Variants in LINC00632 observed in about 807,000 individuals in gnomAD.
LINC00632 encodes ALDOA related specific transcript.
intron 3 of LINC00632, among the ~76,000 whole-genome samples, chrX:140,754,846 T>A (rs960100733): frequency 2.9e-4 from 32 of 110,558 alleles, no homozygotes; most frequent in Non-Finnish European, 5.7e-4. Flanking sequence ...AGGCTGTTTT[T>A]TTTTTAGCCT....
exon 5 of LINC00632, among the ~76,000 whole-genome samples, chrX:140,787,544 A>G (rs1365885608): frequency 9.0e-6 from 1 of 111,371 alleles, no homozygotes; most frequent in Non-Finnish European, 1.9e-5. Context: ...TTGTGTGCAG[A>G]TGTGTTTGGG....
At chrX:140,734,844 C>T (rs1283146302) in intron 3 of LINC00632, among the ~76,000 whole-genome samples, 1 of 106,192 alleles carries the variant, frequency 9.4e-6, no homozygotes, top group Non-Finnish European at 1.9e-5. Context: ...TCACTGTAAC[C>T]GCCACCTTCC....
chrX:140,713,798 T>C (rs1193341956), intron 2 of LINC00632: 5 of 331,641 alleles, frequency 1.5e-5, no homozygotes, highest in Non-Finnish European at 3.0e-5. Context: ...GAGACTCACC[T>C]GAGGCACACT....
chrX:140,717,995 G>C (rs749687830), intron 2 of LINC00632, among the ~76,000 whole-genome samples: 12 of 110,089 alleles, frequency 1.1e-4, no homozygotes, highest in Non-Finnish European at 1.5e-4. Context: ...AATTAGCCGG[G>C]TGTGGTGGCA....
At chrX:140,781,731 G>A (rs993508102) in exon 5 of LINC00632, among the ~76,000 whole-genome samples, 3 of 111,578 alleles carry the variant, frequency 2.7e-5, no homozygotes, top group African/African-American at 9.8e-5. Context: ...GCAGGGCATA[G>A]CAAACTAAGG....
chrX:140,757,826 C>G (rs760490954), intron 3 of LINC00632, among the ~76,000 whole-genome samples: 63 of 111,670 alleles, frequency 5.6e-4, no homozygotes, highest in African/African-American at 2.0e-3. Flanking sequence ...CTCGGCCTCC[C>G]AAAGTGCTGG....
At chrX:140,778,737 C>T (rs1473917910) in exon 5 of LINC00632, among the ~76,000 whole-genome samples, 1 of 111,066 alleles carries the variant, frequency 9.0e-6, no homozygotes, top group Non-Finnish European at 1.9e-5. Context: ...AATTGAATTG[C>T]ATCAACTAGG....
chrX:140,730,277 A>C, intron 2 of LINC00632, among the ~76,000 whole-genome samples: 1 of 110,698 alleles, frequency 9.0e-6, no homozygotes, highest in East Asian at 2.9e-4. Context: ...CAGGACCTAC[A>C]CTTCCCTATA....
At chrX:140,737,425 G>T in intron 3 of LINC00632, among the ~76,000 whole-genome samples, 1 of 111,322 alleles carries the variant, frequency 9.0e-6, no homozygotes, top group Non-Finnish European at 1.9e-5. Flanking sequence ...GGTATTTAGG[G>T]TAGCTATCAC....
At chrX:140,710,946 A>G (rs1930503298) in intron 1 of LINC00632, among the ~76,000 whole-genome samples, 2 of 111,389 alleles carry the variant, frequency 1.8e-5, no homozygotes, top group African/African-American at 6.5e-5. Flanking sequence ...TGACTGACGC[A>G]TCCAGGGACA....
At chrX:140,767,068 G>A (rs1931703873) in intron 3 of LINC00632, among the ~76,000 whole-genome samples, 1 of 111,485 alleles carries the variant, frequency 9.0e-6, no homozygotes, top group African/African-American at 3.3e-5. Flanking sequence ...CTTGTGTTAG[G>A]ATGATTTTGA....
exon 5 of LINC00632, among the ~76,000 whole-genome samples, chrX:140,776,486 T>A (rs1238781432): frequency 8.8e-6 from 1 of 113,107 alleles, no homozygotes; most frequent in African/African-American, 3.2e-5. Flanking sequence ...CGTCCGGCGC[T>A]GTCCCTCTTC....
chrX:140,730,276 C>T (rs1345900765), intron 2 of LINC00632, among the ~76,000 whole-genome samples: 1 of 111,161 alleles, frequency 9.0e-6, no homozygotes, highest in Non-Finnish European at 1.9e-5. Flanking sequence ...ACAGGACCTA[C>T]ACTTCCCTAT....
chrX:140,778,118 T>A (rs928187859), exon 5 of LINC00632, among the ~76,000 whole-genome samples: 2 of 112,598 alleles, frequency 1.8e-5, no homozygotes, highest in Non-Finnish European at 1.9e-5. Flanking sequence ...GGAAAAATAA[T>A]GCACAGATAT....
At chrX:140,728,098 G>A (rs1930993057) in intron 2 of LINC00632, among the ~76,000 whole-genome samples, 2 of 110,550 alleles carry the variant, frequency 1.8e-5, no homozygotes, top group African/African-American at 6.6e-5. Context: ...AAATTAACTG[G>A]GCATGGTGGC....
exon 5 of LINC00632, among the ~76,000 whole-genome samples, chrX:140,778,779 T>C (rs1418339757): frequency 1.8e-5 from 2 of 111,867 alleles, no homozygotes; most frequent in African/African-American, 6.5e-5. Flanking sequence ...AATGAGAAAT[T>C]GACTATTATA....
exon 5 of LINC00632, among the ~76,000 whole-genome samples, chrX:140,775,919 G>T (rs764875458): frequency 7.3e-5 from 8 of 109,861 alleles, no homozygotes; most frequent in African/African-American, 2.6e-4. Context: ...TTGATATTTT[G>T]AAGGAAAAGG....
At chrX:140,732,130 G>T (rs1046424850) in intron 2 of LINC00632, among the ~76,000 whole-genome samples, 18 of 110,927 alleles carry the variant, frequency 1.6e-4, no homozygotes. Flanking sequence ...CTTGAACCCG[G>T]GAGGCAGAGG....
chrX:140,741,317 C>T (rs941602809), intron 3 of LINC00632, among the ~76,000 whole-genome samples: 4 of 112,042 alleles, frequency 3.6e-5, no homozygotes, highest in African/African-American at 1.3e-4. Context: ...TGCTCTGACC[C>T]ATGAATACAG....
Sources: allele counts gnomAD v4.1 joint callset (sites outside exome capture counted in the v4.1 genomes callset), GRCh38; gene constraint gnomAD v4.1.1; transcripts MANE v1.5; gene names NCBI Gene and HGNC (gene_info 2026-07-23, HGNC 2026-07-21).